Variants in SUPT3H observed in about 807,000 individuals in gnomAD.
SUPT3H encodes transcription initiation protein SPT3 homolog.
SUPT3H carries 44 observed loss-of-function variants against 44.3 expected under a neutral mutation model. The observed-to-expected ratio is 0.99, with a 90% confidence interval of 0.78 to 1.28. SUPT3H has a LOEUF of 1.28. Among genes scored for constraint, SUPT3H ranks in the 50% most tolerant of loss-of-function variants. The probability of loss-of-function intolerance (pLI) is 0.00; values close to 1 mark genes in which losing one functional copy is unlikely to be tolerated. For missense variants in SUPT3H, 380 were observed against 387.1 expected (o/e 0.98, Z 0.15); for synonymous variants, 124 against 125.6 (o/e 0.99, Z 0.09).
At chr6:44,995,737 A>G in intron 6 of SUPT3H, among the ~76,000 whole-genome samples, 1 of 152,008 alleles carries the variant, frequency 6.6e-6, no homozygotes, top group East Asian at 1.9e-4. Context: ...CCACTTACAA[A>G]GTAAATACTT....
intron 11 of SUPT3H, among the ~76,000 whole-genome samples, chr6:44,810,678 C>G (rs1766452603): frequency 6.6e-6 from 1 of 151,334 alleles, no homozygotes; most frequent in Non-Finnish European, 1.5e-5. Flanking sequence ...GAGGCTGAGG[C>G]AGGTGGATCA....
chr6:45,287,268 T>TA (rs1448083577), intron 2 of SUPT3H, among the ~76,000 whole-genome samples: 1 of 102,414 alleles, frequency 9.8e-6, no homozygotes, highest in Non-Finnish European at 1.8e-5. Context: ...AAATAAAAAA[T>TA]ATAAAAAATT....
At chr6:45,020,328 C>T (rs754808498) in intron 4 of SUPT3H, among the ~76,000 whole-genome samples, 11 of 151,942 alleles carry the variant, frequency 7.2e-5, no homozygotes, top group Non-Finnish European at 1.6e-4. Context: ...AGTGAGGGTT[C>T]GCTGTTAGCA....
intron 7 of SUPT3H, among the ~76,000 whole-genome samples, chr6:44,960,128 T>A (rs1775795997): frequency 6.6e-6 from 1 of 152,166 alleles, no homozygotes; most frequent in African/African-American, 2.4e-5. Context: ...TATTATTTTT[T>A]AATCTACTAT....
intron 2 of SUPT3H, among the ~76,000 whole-genome samples, chr6:45,244,121 T>A (rs1041657252): frequency 6.6e-6 from 1 of 152,130 alleles, no homozygotes; most frequent in Non-Finnish European, 1.5e-5. Context: ...TGGGCTCAAG[T>A]GATCCTTGGC....
chr6:44,904,485 G>C (rs560525010), intron 10 of SUPT3H, among the ~76,000 whole-genome samples: 2 of 152,250 alleles, frequency 1.3e-5, no homozygotes, highest in South Asian at 4.2e-4. Flanking sequence ...CCTCTTCAAG[G>C]AGAAGTACAA....
intron 2 of SUPT3H, among the ~76,000 whole-genome samples, chr6:45,346,319 AAAAT>A (rs1790848702): frequency 6.6e-6 from 1 of 152,178 alleles, no homozygotes; most frequent in East Asian, 1.9e-4. Flanking sequence ...CCCAATAAAT[AAAAT>A]AGATTTTTAA....
At chr6:44,904,314 A>G (rs1464598463) in intron 10 of SUPT3H, among the ~76,000 whole-genome samples, 1 of 152,254 alleles carries the variant, frequency 6.6e-6, no homozygotes, top group Non-Finnish European at 1.5e-5. Flanking sequence ...AAGCAACTTC[A>G]GCAAAGTCTC....
intron 6 of SUPT3H, among the ~76,000 whole-genome samples, chr6:44,990,249 C>A (rs952199947): frequency 1.3e-5 from 2 of 152,120 alleles, no homozygotes; most frequent in African/African-American, 4.8e-5. Context: ...ATCCTTTCCC[C>A]ATTGTGCATT....
intron 2 of SUPT3H, among the ~76,000 whole-genome samples, chr6:45,314,300 C>T (rs893465981): frequency 1.3e-5 from 2 of 151,980 alleles, no homozygotes; most frequent in South Asian, 2.1e-4. Context: ...CAGAACAATC[C>T]GACAAGAGAA....
At chr6:44,837,417 T>C (rs1478739702) in intron 10 of SUPT3H, among the ~76,000 whole-genome samples, 2 of 152,198 alleles carry the variant, frequency 1.3e-5, no homozygotes, top group East Asian at 3.8e-4. Context: ...TGGGCAATAA[T>C]GGGAAATGCT....
chr6:45,348,512 C>A (rs7748505), intron 2 of SUPT3H, among the ~76,000 whole-genome samples: 93 of 110,334 alleles, frequency 8.4e-4, no homozygotes, highest in Non-Finnish European at 9.3e-4. Flanking sequence ...ACTAAAAATA[C>A]AAAAAAAAAA....
chr6:45,163,925 T>C (rs1350057860), intron 2 of SUPT3H, among the ~76,000 whole-genome samples: 4 of 152,184 alleles, frequency 2.6e-5, no homozygotes, highest in Non-Finnish European at 4.4e-5. Flanking sequence ...TTGATCCTTA[T>C]TATTTGCAAT....
intron 3 of SUPT3H, among the ~76,000 whole-genome samples, chr6:45,068,600 T>G (rs1029050556): frequency 2.0e-5 from 3 of 152,236 alleles, no homozygotes; most frequent in Admixed American, 2.0e-4. Context: ...TTCCACTTTA[T>G]TTTTGGCAAT....
At chr6:45,307,697 TA>T (rs957683593) in intron 2 of SUPT3H, among the ~76,000 whole-genome samples, 7 of 152,184 alleles carry the variant, frequency 4.6e-5, no homozygotes, top group African/African-American at 1.4e-4. Context: ...CTGAAAATTC[TA>T]AAAATCAGAG....
At chr6:45,220,970 A>T (rs1348677152) in intron 2 of SUPT3H, among the ~76,000 whole-genome samples, 2 of 152,234 alleles carry the variant, frequency 1.3e-5, no homozygotes, top group African/African-American at 2.4e-5. Flanking sequence ...CTTGGAATCA[A>T]CCCAAATGTC....
intron 4 of SUPT3H, among the ~76,000 whole-genome samples, chr6:45,020,311 A>T (rs1427836648): frequency 6.6e-6 from 1 of 152,032 alleles, no homozygotes; most frequent in Non-Finnish European, 1.5e-5. Flanking sequence ...ATAGACGCAT[A>T]AGGATAAGTG....
intron 3 of SUPT3H, among the ~76,000 whole-genome samples, chr6:45,028,204 C>T (rs1041276790): frequency 6.6e-6 from 1 of 152,166 alleles, no homozygotes; most frequent in African/African-American, 2.4e-5. Flanking sequence ...TACTGGAGAT[C>T]ATTTTATTTC....
intron 6 of SUPT3H, among the ~76,000 whole-genome samples, chr6:44,998,735 T>C (rs542442401): frequency 2.2e-4 from 34 of 152,140 alleles, no homozygotes; most frequent in Admixed American, 6.6e-4. Context: ...CTTAAGTTGA[T>C]AAATTTAATT....
Sources: gnomAD v4.1 joint callset for allele counts (sites outside exome capture counted in the v4.1 genomes callset) on GRCh38, gnomAD v4.1.1 for gene constraint, MANE v1.5 for transcripts, NCBI Gene and HGNC (gene_info 2026-07-23, HGNC 2026-07-21) for gene names.